Variants in BCO1 observed in about 807,000 individuals in gnomAD.
BCO1 encodes beta,beta-carotene 15,15'-dioxygenase.
In BCO1, 54 loss-of-function variants were observed where a neutral mutation model predicts 56.3. The observed-to-expected ratio is 0.96, with a 90% CI of 0.77 to 1.20. BCO1 has a LOEUF of 1.20. BCO1 is among the 50% of genes most tolerant of loss of function. The probability of loss-of-function intolerance (pLI) is 0.00; values close to 1 mark genes in which losing one functional copy is unlikely to be tolerated. For synonymous variants in BCO1, 318 were observed against 266.1 expected (o/e 1.20, Z -1.90); for missense variants, 801 against 690.9 (o/e 1.16, Z -1.79).
chr16:81,264,184 T>A (rs1906666755), intron 4 of BCO1: 2 of 262,026 alleles, frequency 7.6e-6, no homozygotes, highest in Non-Finnish European at 1.5e-5. Flanking sequence ...TTCTGTGCAA[T>A]GCAAAAGGGC....
At chr16:81,264,006 G>A (rs1217605073) in intron 4 of BCO1, 2 of 156,102 alleles carry the variant, frequency 1.3e-5, no homozygotes, top group East Asian at 3.7e-4. Context: ...TTTTTCTAGG[G>A]GAGGAAGCGC....
In BCO1 at chr16:81,290,480, T is replaced by C. The variant is rs1417215948; in HGVS notation, c.1547T>C (p.Leu516Ser). ...DVDMHMDLHG[L>S]FITDMDWDTK... ...GATATGCACATGGATCTCCATGGAT[T>C]ATTCATTACAGACATGGACTGGGAC... Residue 516 changes from leucine (L) to serine (S), a missense_variant, in exon 11 of 11, where the codon TTA (leucine) becomes TCA (serine). Transcript: ENST00000258168. 6.2e-7 allele frequency: 1 copy of C among 1,614,166 alleles called. No homozygotes were observed.
intron 8 of BCO1, among the ~76,000 whole-genome samples, chr16:81,281,670 C>A (rs1335436128): frequency 6.6e-6 from 1 of 152,160 alleles, no homozygotes; most frequent in African/African-American, 2.4e-5. Context: ...AGAAAGCAGA[C>A]CCTCTAGAAC....
intron 8 of BCO1, among the ~76,000 whole-genome samples, chr16:81,284,440 C>G (rs1908059254): frequency 6.6e-6 from 1 of 151,988 alleles, no homozygotes; most frequent in Non-Finnish European, 1.5e-5. Context: ...AGCAATGCTT[C>G]CAAATTTTTT....
At chr16:81,277,784 T>C (rs1907644667) in intron 7 of BCO1, among the ~76,000 whole-genome samples, 2 of 152,210 alleles carry the variant, frequency 1.3e-5, no homozygotes, top group South Asian at 4.1e-4. Flanking sequence ...TTCCTAAAAC[T>C]GAGCATGCTG....
chr16:81,266,957 G>C (rs1291016011), intron 5 of BCO1, among the ~76,000 whole-genome samples: 1 of 152,230 alleles, frequency 6.6e-6, no homozygotes, highest in African/African-American at 2.4e-5. Context: ...CCACAAGAGA[G>C]GTGGGGAAGT....
chr16:81,257,491 C>T (rs1906214689), intron 2 of BCO1, among the ~76,000 whole-genome samples: 1 of 151,808 alleles, frequency 6.6e-6, no homozygotes, highest in South Asian at 2.1e-4. Flanking sequence ...TCTCAAACTC[C>T]TGACCTCAGG....
intron 2 of BCO1, among the ~76,000 whole-genome samples, chr16:81,257,641 C>T (rs932050654): frequency 2.0e-5 from 3 of 151,662 alleles, no homozygotes; most frequent in South Asian, 2.1e-4. Flanking sequence ...TTTGGGAGGC[C>T]GAGGCAGGTG....
In BCO1 at chr16:81,259,704, GA is replaced by G. The variant is rs1567704547; in HGVS notation, c.223del (p.Arg75GlufsTer51). 2 of 1,614,194 alleles carry G rather than the reference GA, an allele frequency of 1.2e-6. No individual in the cohort carries two copies. The highest frequency in any genetic ancestry group is 1.7e-6 in the Non-Finnish European group (2 of 1,180,036). On this transcript the variant is annotated frameshift_variant, in exon 3 of 11. Transcript: ENST00000258168. LOFTEE classifies it high-confidence loss of function. ...AAGTCTATTACAGGAGCAAATACCTGAGAAGCGATACCTACAACACCAATAT... is the reference window on the plus strand; with the variant it reads ...AAGTCTATTACAGGAGCAAATACCTGGAAGCGATACCTACAACACCAATAT... Reference protein sequence around the residue: ...GEVYYRSKYLRSDTYNTNIEA... With the variant: ...GEVYYRSKYLXSDTYNTNIEA...
intron 6 of BCO1, among the ~76,000 whole-genome samples, chr16:81,268,525 G>A (rs1211841333): frequency 6.6e-6 from 1 of 152,150 alleles, no homozygotes; most frequent in African/African-American, 2.4e-5. Flanking sequence ...GCGTTGGGGC[G>A]GTAGCGGCCA....
Position 81,257,903 on chromosome 16 carries a change from G to C in BCO1, c.194-1773G>C, listed in dbSNP as rs371123519. Among the ~76,000 whole-genome samples the C allele has an allele frequency of 9.9e-5, 15 of 151,252 alleles. No individual in the cohort carries two copies. The East Asian group carries it at 2.5e-3, about 26-fold the overall frequency. ...TCAAAAAAAAAAAAAAAAAGAGAGA[G>C]ACTTTGTAGATGTGATTAGATGAAG... On this transcript the variant is annotated intron_variant, in intron 2 of 10. Coordinates refer to ENST00000258168, the MANE Select transcript of BCO1 (RefSeq NM_017429.3).
chr16:81,254,339 CAG>C (rs958546698), intron 2 of BCO1, among the ~76,000 whole-genome samples: 1 of 110,830 alleles, frequency 9.0e-6, no homozygotes, highest in African/African-American at 3.6e-5. Context: ...TTAGTAGAGA[CAG>C]GGTTTCACCA....
chr16:81,259,962 CTGAT>C (rs1331497981), intron 3 of BCO1, among the ~76,000 whole-genome samples, 157 bp downstream of exon 3: 1 of 152,212 alleles, frequency 6.6e-6, no homozygotes, highest in African/African-American at 2.4e-5. Context: ...TTCTTGATCA[CTGAT>C]TGCCAGAGAG....
At chr16:81,263,098 A>T (rs944950251) in intron 4 of BCO1, 4 of 148,664 alleles carry the variant, frequency 2.7e-5, no homozygotes, top group Admixed American at 2.7e-4. Flanking sequence ...TATGTGTCCA[A>T]ATGTTCTGCC....
At chr16:81,281,527 A>C (rs1489534499) in intron 8 of BCO1, among the ~76,000 whole-genome samples, 2 of 152,210 alleles carry the variant, frequency 1.3e-5, no homozygotes, top group Non-Finnish European at 1.5e-5. Flanking sequence ...CTTACTGAAC[A>C]TGGGCTTACT....
At chr16:81,258,071 G>T (rs1245930338) in intron 2 of BCO1, among the ~76,000 whole-genome samples, 3 of 152,068 alleles carry the variant, frequency 2.0e-5, no homozygotes, top group African/African-American at 7.2e-5. Context: ...GACCAGGGAA[G>T]GCAGCAGCTT....
rs890726705 is a variant in BCO1 at position 81,278,702 on chromosome 16, C to A, written c.1102-2155C>A. ...TGAGACCTCAGGGTTTGGGGAAGAA[C>A]CAGCCTCAGGGCCTTTGCACTGCCT... On this transcript the variant is annotated intron_variant, in intron 7 of 10. Transcript: ENST00000258168. Among the ~76,000 whole-genome samples, 7 of 152,150 alleles carry A rather than the reference C, an allele frequency of 4.6e-5. No homozygotes were observed. In the South Asian group the frequency reaches 1.2e-3, roughly 27 times the overall value.
In BCO1 at chr16:81,270,233, C is replaced by T. The variant is rs1432223261; in HGVS notation, c.918C>T (p.Val306=). 7 of 1,614,200 alleles carry T rather than the reference C, an allele frequency of 4.3e-6. No homozygotes were observed. Among genetic ancestry groups the T allele is most frequent in the Non-Finnish European group, 5.1e-6 (6 of 1,180,046 alleles). The change falls in exon 7 of 11, where the codon GTC becomes GTT. Residue 306 remains valine (V), a synonymous_variant. Coordinates refer to ENST00000258168, the MANE Select transcript of BCO1 (RefSeq NM_017429.3). The part of the protein sequence containing the change: ...QTKFYTDAMV[V]FHHVNAYEED... The stretch of plus-strand genomic sequence containing the variant: ...AGTTTTACACAGACGCCATGGTGGT[C>T]TTCCATCACGTCAACGCCTACGAAG...
intron 8 of BCO1, among the ~76,000 whole-genome samples, chr16:81,282,048 G>A (rs1297198080): frequency 6.6e-6 from 1 of 152,232 alleles, no homozygotes; most frequent in Non-Finnish European, 1.5e-5. Flanking sequence ...ACTTGTCCAA[G>A]GAGACTCAGC....
Sources: allele counts gnomAD v4.1 joint callset (sites outside exome capture counted in the v4.1 genomes callset), GRCh38; gene constraint gnomAD v4.1.1; transcripts MANE v1.5; gene names NCBI Gene and HGNC (gene_info 2026-07-23, HGNC 2026-07-21).